KIAA0319: variants seen among roughly 807,000 people sequenced by gnomAD.
The protein encoded by KIAA0319 is dyslexia-associated protein KIAA0319.
Under a neutral mutation model 108.4 loss-of-function variants are expected in KIAA0319, and 83 were observed. The observed-to-expected ratio is 0.77, with a 90% CI of 0.64 to 0.92. The LOEUF (loss-of-function observed/expected upper bound fraction) is 0.92, where lower values mean the gene tolerates loss of function less well. Ranked by LOEUF, KIAA0319 falls within the 40% of genes least tolerant of loss-of-function variation. KIAA0319 has a pLI of 0.00. For missense variants in KIAA0319, 1,195 were observed against 1,322.4 expected (o/e 0.90, Z 1.49); for synonymous variants, 484 against 510.4 (o/e 0.95, Z 0.70).
At chr6:24,610,500 C>T (rs1772136156) in intron 1 of KIAA0319, among the ~76,000 whole-genome samples, 6 of 152,136 alleles carry the variant, frequency 3.9e-5, no homozygotes, top group Admixed American at 3.3e-4. Context: ...ATTGTGCAGC[C>T]ACTTAGAAAA....
intron 20 of KIAA0319, among the ~76,000 whole-genome samples, 162 bp downstream of exon 20, chr6:24,551,272 C>CCTT (rs1329624057): frequency 6.6e-6 from 1 of 152,028 alleles, no homozygotes; most frequent in African/African-American, 2.4e-5. Flanking sequence ...CTGGGCCCGG[C>CCTT]CTGAAGGTTG....
chr6:24,615,333 A>T (rs1773008341), intron 1 of KIAA0319, among the ~76,000 whole-genome samples: 7 of 152,146 alleles, frequency 4.6e-5, no homozygotes, highest in Admixed American at 4.6e-4. Flanking sequence ...AAATCTCTAG[A>T]TATTAAGTAA....
At chr6:24,589,540 TAGTG>T (rs10581369) in intron 3 of KIAA0319, among the ~76,000 whole-genome samples, 26,781 of 152,086 alleles carry the variant, frequency 0.18, 2,403 homozygotes, top group East Asian at 0.23. Context: ...GTTCTCGTGA[TAGTG>T]AGTGAGTTCT....
intron 10 of KIAA0319, among the ~76,000 whole-genome samples, chr6:24,575,393 T>G (rs1226231519): frequency 6.6e-6 from 1 of 151,662 alleles, no homozygotes. Flanking sequence ...ACCGTGAAAA[T>G]AAAAAATATC....
chr6:24,600,775 T>G, intron 2 of KIAA0319: 1 of 883,138 alleles, frequency 1.1e-6, no homozygotes. Flanking sequence ...AGATCTAGTA[T>G]GCAATTCTTT....
At chr6:24,547,421 C>T (rs929805277) in intron 20 of KIAA0319, 78 bp from the exon 21 acceptor site, 18 of 1,283,730 alleles carry the variant, frequency 1.4e-5, no homozygotes, top group Non-Finnish European at 2.0e-5. Context: ...GTTGCAGGTC[C>T]TGTGATGGGC....
At chr6:24,612,176 G>A (rs979747367) in intron 1 of KIAA0319, among the ~76,000 whole-genome samples, 6 of 152,138 alleles carry the variant, frequency 3.9e-5, no homozygotes, top group Non-Finnish European at 7.3e-5. Flanking sequence ...TCTGGGCCAG[G>A]CATGGTGGCT....
chr6:24,597,162 A>C (rs1412226095), intron 2 of KIAA0319, among the ~76,000 whole-genome samples: 3 of 152,196 alleles, frequency 2.0e-5, no homozygotes, highest in Non-Finnish European at 2.9e-5. Flanking sequence ...ATTCTTCTAC[A>C]TTGTATTTAT....
In KIAA0319 at chr6:24,577,971, C is replaced by T. The variant is rs371221458; in HGVS notation, c.1505+139G>A. ...TTGATGAGGATATCAGAGTCTCCAG[C>T]GGCATGCAACCAAAACCCCCATGAA... On this transcript the variant is annotated intron_variant, in intron 9 of 20. Coordinates refer to ENST00000378214, the MANE Select transcript of KIAA0319 (RefSeq NM_014809.4). The T allele has an allele frequency of 6.8e-5, 48 of 703,072 alleles. No homozygotes were observed. The South Asian group carries it at 1.0e-3, about 15-fold the overall frequency. The allele number at this position is 703,072 out of a possible 1,614,324, so 43.6% of individuals were successfully genotyped here. A position where few individuals can be genotyped will look rare whatever the true frequency, so the allele number is the denominator to read the frequency against.
chr6:24,616,114 T>A (rs376823762), intron 1 of KIAA0319, among the ~76,000 whole-genome samples: 2 of 152,344 alleles, frequency 1.3e-5, no homozygotes, highest in East Asian at 1.9e-4. Flanking sequence ...TATTAAAGAC[T>A]CTGTTGTATG....
At chr6:24,613,078 C>T (rs1176806186) in intron 1 of KIAA0319, among the ~76,000 whole-genome samples, 2 of 152,210 alleles carry the variant, frequency 1.3e-5, no homozygotes, top group East Asian at 1.9e-4. Flanking sequence ...AAAAACAAAT[C>T]GCCTTTTGTA....
intron 1 of KIAA0319, among the ~76,000 whole-genome samples, chr6:24,614,018 T>C (rs182890749): frequency 6.6e-6 from 1 of 152,336 alleles, no homozygotes; most frequent in Admixed American, 6.5e-5. Context: ...CATAGATTTC[T>C]CTTTCCATTT....
chr6:24,590,687 T>C (rs996480061), intron 3 of KIAA0319, among the ~76,000 whole-genome samples: 6 of 152,232 alleles, frequency 3.9e-5, no homozygotes, highest in African/African-American at 1.4e-4. Flanking sequence ...TAAGGCACCT[T>C]GGGCCAAGGT....
chr6:24,566,146 T>C (rs1257897706), intron 14 of KIAA0319, among the ~76,000 whole-genome samples: 1 of 152,222 alleles, frequency 6.6e-6, no homozygotes, highest in Non-Finnish European at 1.5e-5. Flanking sequence ...GAGGTCATTA[T>C]AGAGACACTG....
Position 24,592,321 on chromosome 6 carries a change from C to T in KIAA0319, c.802-3536G>A, listed in dbSNP as rs182218664. Among the ~76,000 whole-genome samples the T allele has an allele frequency of 2.4e-3, 361 of 152,306 alleles. 2 individuals are homozygous for T. Among genetic ancestry groups the T allele is most frequent in the Middle Eastern group, 6.8e-3 (2 of 294 alleles). ...CCATTAAATTTTCTAGATACCTTTA[C>T]CAAATACAATTGAACTATTTTACAT... On this transcript the variant is annotated intron_variant, in intron 3 of 20. Coordinates refer to ENST00000378214, the MANE Select transcript of KIAA0319 (RefSeq NM_014809.4).
intron 1 of KIAA0319, among the ~76,000 whole-genome samples, chr6:24,620,549 C>A (rs912613440): frequency 6.6e-6 from 1 of 152,224 alleles, no homozygotes; most frequent in South Asian, 2.1e-4. Context: ...GATTTGCCTG[C>A]CCCGGCCTCC....
At chr6:24,553,272 T>TAG (rs199894184) in intron 19 of KIAA0319, among the ~76,000 whole-genome samples, 3 of 105,920 alleles carry the variant, frequency 2.8e-5, no homozygotes, top group East Asian at 2.3e-4. Flanking sequence ...ACTTGTGAGA[T>TAG]AGATATATAT....
chr6:24,551,501 T>C lies in KIAA0319; in HGVS notation c.2973A>G (p.Lys991=), dbSNP rs807535. 211,464 of 1,603,368 alleles carry C rather than the reference T, an allele frequency of 0.13. 15,042 individuals are homozygous for C. Among genetic ancestry groups the C allele is most frequent in the Non-Finnish European group, 0.14 (166,785 of 1,170,136 alleles). The change falls in exon 20 of 21, where the codon AAA becomes AAG. Residue 991 remains lysine (K), a synonymous_variant. Transcript: ENST00000378214. Reference sequence around the variant, plus strand: ...TATCCAGGATGGTGTACTTTGTTTTTTTCCTGATTTTAGTCCTTTTTTGTC... The same window carrying C: ...TATCCAGGATGGTGTACTTTGTTTTCTTCCTGATTTTAGTCCTTTTTTGTC... ...CKRQKRTKIR[K]KTKYTILDNM... is the part of the protein sequence containing the mutation.
In KIAA0319 at chr6:24,602,583, G is replaced by A. The variant is rs573460965; in HGVS notation, c.-105-1375C>T. Among the ~76,000 whole-genome samples the A allele has an allele frequency of 8.6e-4, 131 of 152,190 alleles. 2 individuals carry two copies. Among genetic ancestry groups the A allele is most frequent in the Non-Finnish European group, 1.3e-3 (88 of 68,006 alleles). The stretch of plus-strand genomic sequence containing the variant: ...TGGGAGGCCAAGGCGGGTGGATCAC[G>A]AGGTCAGGAGATCGAGACCATCCTG... On this transcript the variant is annotated intron_variant, in intron 1 of 20. Transcript: ENST00000378214.
Sources: gnomAD v4.1 joint callset for allele counts (sites outside exome capture counted in the v4.1 genomes callset) on GRCh38, gnomAD v4.1.1 for gene constraint, MANE v1.5 for transcripts, NCBI Gene and HGNC (gene_info 2026-07-23, HGNC 2026-07-21) for gene names.